The following DAB1 variants were observed in gnomAD, a reference collection of about 807,000 sequenced individuals.
DAB1 encodes the protein disabled homolog 1.
DAB1 carries 15 observed loss-of-function variants against 64.6 expected under a neutral mutation model. The observed-to-expected ratio is 0.23, with a 90% CI of 0.16 to 0.36. DAB1 has a LOEUF of 0.36. DAB1 is among the 10% of genes least tolerant of loss of function. The pLI is 1.00. For missense variants in DAB1, 596 were observed against 706.7 expected, an observed-to-expected ratio of 0.84 and a Z score of 1.78; for synonymous variants, 235 against 251.9, an observed-to-expected ratio of 0.93 and a Z score of 0.64.
At chr1:58,064,995 C>T (rs781039989) in intron 5 of DAB1, among the ~76,000 whole-genome samples, 1 of 152,208 alleles carries the variant, frequency 6.6e-6, no homozygotes, top group Non-Finnish European at 1.5e-5. Context: ...CAAGCGTGAG[C>T]CACCGCGCCC....
At chr1:57,942,132 A>C (rs1006224394) in intron 5 of DAB1, among the ~76,000 whole-genome samples, 4 of 152,190 alleles carry the variant, frequency 2.6e-5, no homozygotes. Context: ...CTTCGATCTA[A>C]GTGAGGAGTG....
Position 57,670,296 on chromosome 1 carries a change from T to C in DAB1, n.552-20631A>G, listed in dbSNP as rs548594975. Among the ~76,000 whole-genome samples, 11 of 152,212 alleles carry C rather than the reference T, an allele frequency of 7.2e-5. No individual in the cohort carries two copies. The South Asian group carries it at 1.2e-3, about 17-fold the overall frequency. On this transcript the variant is annotated intron_variant and non_coding_transcript_variant, in intron 6 of 20. Coordinates refer to the DAB1 transcript ENST00000485760. ...TGTGGTGGGGGATCATCTTGCATTA[T>C]TCAGAAAAGAGCGACCTGCAAGGAT...
chr1:57,612,072 A>G (rs1645733159), intron 7 of DAB1, among the ~76,000 whole-genome samples: 1 of 152,092 alleles, frequency 6.6e-6, no homozygotes. Context: ...CCCAGGACTC[A>G]TTCCCTCACT....
intron 7 of DAB1, among the ~76,000 whole-genome samples, chr1:57,439,418 G>GTTTTTTGTTTTTTT: frequency 1.7e-5 from 2 of 116,138 alleles, no homozygotes; most frequent in African/African-American, 3.5e-5. Context: ...TGGTGATGAG[G>GTTTTTTGTTTTTTT]TTTTTTCTTT....
intron 4 of DAB1, among the ~76,000 whole-genome samples, chr1:57,134,266 C>A (rs994571394): frequency 6.6e-6 from 1 of 152,072 alleles, no homozygotes; most frequent in Admixed American, 6.6e-5. Flanking sequence ...CAAGTCAGCT[C>A]CTCTTCCTAC....
At position 58,402,647 on chromosome 1, in the gene DAB1, A is replaced by AG. The variant is rs201721318; in HGVS notation, n.258-59245dup. On this transcript the variant is annotated intron_variant and non_coding_transcript_variant, in intron 3 of 20. Coordinates refer to the DAB1 transcript ENST00000485760. ...GAAGGGGAAGAGGAGGGAAAGGAGG[A>AG]GGGGGGGAGAGAGAGGGAGAGAGGG... Among the ~76,000 whole-genome samples, 202 of 145,620 alleles carry AG rather than the reference A, an allele frequency of 1.4e-3. 4 individuals carry two copies. The East Asian group carries it at 0.04, about 29-fold the overall frequency.
intron 1 of DAB1, among the ~76,000 whole-genome samples, chr1:58,531,280 A>G (rs959121268): frequency 6.6e-6 from 1 of 152,224 alleles, no homozygotes; most frequent in Non-Finnish European, 1.5e-5. Context: ...TTTATTTTAA[A>G]TAAAAGTATT....
intron 5 of DAB1, among the ~76,000 whole-genome samples, chr1:57,904,607 G>A (rs1042657911): frequency 6.6e-6 from 1 of 152,198 alleles, no homozygotes; most frequent in Non-Finnish European, 1.5e-5. Flanking sequence ...GCCTTTTGGA[G>A]CAGGAGATAA....
At chr1:57,483,219 T>G (rs766713816) in intron 7 of DAB1, among the ~76,000 whole-genome samples, 1 of 152,240 alleles carries the variant, frequency 6.6e-6, no homozygotes, top group Non-Finnish European at 1.5e-5. Flanking sequence ...GTTAATTTAC[T>G]GATATGGTTT....
chr1:58,494,009 T>G (rs1205610570), intron 3 of DAB1, among the ~76,000 whole-genome samples: 2 of 151,544 alleles, frequency 1.3e-5, no homozygotes, highest in East Asian at 3.9e-4. Context: ...GCTACCTGAC[T>G]TCAAACTATA....
At chr1:58,134,964 G>A (rs1050622409) in intron 5 of DAB1, among the ~76,000 whole-genome samples, 11 of 152,198 alleles carry the variant, frequency 7.2e-5, no homozygotes, top group African/African-American at 2.7e-4. Flanking sequence ...TGTAAAGGTA[G>A]ACTAAGAAGC....
At chr1:57,609,941 C>T (rs1378673680) in intron 7 of DAB1, among the ~76,000 whole-genome samples, 4 of 152,268 alleles carry the variant, frequency 2.6e-5, no homozygotes, top group South Asian at 4.1e-4. Context: ...TGGACAGGTA[C>T]GAAGTTAGCA....
rs1229256752 is a variant in DAB1 at position 56,995,460 on chromosome 1, T to C, written c.*2684A>G. 2 of 152,188 alleles carry C rather than the reference T, an allele frequency of 1.3e-5. No individual in the cohort carries two copies. Among genetic ancestry groups the C allele is most frequent in the East Asian group, 3.9e-4 (2 of 5,188 alleles). The allele number at this position is 152,188 out of a possible 1,614,324, so 9.4% of individuals were successfully genotyped here. On this transcript the variant is annotated 3_prime_UTR_variant, in exon 15 of 15. Coordinates refer to ENST00000371236, the MANE Select transcript of DAB1 (RefSeq NM_001365792.1). ...GGCAGTTGAAAAACTTGACTTTATT[T>C]CCCTTACTTTAATGCATCACTTGGG...
chr1:57,606,941 C>T (rs768117049), intron 7 of DAB1, among the ~76,000 whole-genome samples: 23 of 151,086 alleles, frequency 1.5e-4, no homozygotes, highest in Non-Finnish European at 2.1e-4. Flanking sequence ...CCTGCCACCA[C>T]GTCTGGCTGA....
intron 4 of DAB1, among the ~76,000 whole-genome samples, chr1:58,201,047 C>T (rs1249615826): frequency 3.3e-5 from 5 of 150,334 alleles, no homozygotes; most frequent in Admixed American, 2.6e-4. Context: ...GATGGAGTCT[C>T]GCTCTGTCGC....
At chr1:57,436,633 A>C (rs1379207384) in intron 7 of DAB1, among the ~76,000 whole-genome samples, 1 of 152,210 alleles carries the variant, frequency 6.6e-6, no homozygotes, top group Non-Finnish European at 1.5e-5. Context: ...AGTACCCTTT[A>C]AATTCCATTA....
intron 6 of DAB1, among the ~76,000 whole-genome samples, chr1:57,780,335 T>A (rs1012769447): frequency 6.6e-6 from 1 of 152,090 alleles, no homozygotes; most frequent in Non-Finnish European, 1.5e-5. Context: ...ACAAGAAAAG[T>A]AATTGAAGTA....
At chr1:57,256,753 G>A (rs1410995070) in intron 2 of DAB1, among the ~76,000 whole-genome samples, 1 of 152,120 alleles carries the variant, frequency 6.6e-6, no homozygotes, top group Non-Finnish European at 1.5e-5. Flanking sequence ...TGTATTTGCT[G>A]CTCAGCTAGC....
chr1:57,196,817 T>C (rs1664660440), intron 2 of DAB1, among the ~76,000 whole-genome samples: 1 of 152,224 alleles, frequency 6.6e-6, no homozygotes, highest in Non-Finnish European at 1.5e-5. Flanking sequence ...TTAACCTTTA[T>C]GTAGTTTGAA....
Sources: gnomAD v4.1 joint callset for allele counts (sites outside exome capture counted in the v4.1 genomes callset) on GRCh38, gnomAD v4.1.1 for gene constraint, MANE v1.5 for transcripts, NCBI Gene and HGNC (gene_info 2026-07-23, HGNC 2026-07-21) for gene names.